The following PARG variants were observed in gnomAD, a reference collection of about 807,000 sequenced individuals.
PARG encodes the protein mitochondrial poly(ADP-ribose) glycohydrolase.
In PARG, 35 loss-of-function variants were observed where a neutral mutation model predicts 113.0. The observed-to-expected ratio is 0.31, with a 90% CI of 0.24 to 0.41. The LOEUF is 0.41. Among genes scored for constraint, PARG ranks in the 10% least tolerant of loss-of-function variants. The probability of loss-of-function intolerance (pLI) is 1.00; values close to 1 mark genes in which losing one functional copy is unlikely to be tolerated. For missense variants in PARG, 797 were observed against 1,169.4 expected (o/e 0.68, Z 4.64); for synonymous variants, 330 against 409.9 (o/e 0.81, Z 2.36).
chr10:49,881,436 A>C (rs1370972852), intron 8 of PARG, among the ~76,000 whole-genome samples: 55 of 152,356 alleles, frequency 3.6e-4, no homozygotes, highest in African/African-American at 1.3e-3. Context: ...ACCAACTACC[A>C]GTTTATCCTT....
chr10:49,825,151 C>T (rs571113221), intron 16 of PARG, among the ~76,000 whole-genome samples: 6 of 152,194 alleles, frequency 3.9e-5, no homozygotes, highest in South Asian at 2.1e-4. Context: ...CTTGTTTCTA[C>T]CACACAGCAC....
At chr10:49,860,239 C>T (rs1385498452) in intron 12 of PARG, among the ~76,000 whole-genome samples, 1 of 152,050 alleles carries the variant, frequency 6.6e-6, no homozygotes, top group Non-Finnish European at 1.5e-5. Context: ...TGGGGAGGAT[C>T]TCAACCTTAA....
At chr10:49,894,204 ATTTTTT>A (rs58141680) in intron 7 of PARG, among the ~76,000 whole-genome samples, 674 of 133,584 alleles carry the variant, frequency 5.0e-3, no homozygotes, top group East Asian at 0.02. Flanking sequence ...CAGCTAATTA[ATTTTTT>A]TTTTTTTTTT....
At chr10:49,919,879 T>C (rs1837701306) in intron 6 of PARG, among the ~76,000 whole-genome samples, 1 of 152,214 alleles carries the variant, frequency 6.6e-6, no homozygotes, top group Non-Finnish European at 1.5e-5. Context: ...CCCATCTTTG[T>C]ATCCACCAAC....
intron 13 of PARG, among the ~76,000 whole-genome samples, chr10:49,845,453 G>C (rs1845460831): frequency 6.6e-6 from 1 of 152,184 alleles, no homozygotes; most frequent in African/African-American, 2.4e-5. Context: ...TGACTAGTCA[G>C]GTCCAAAGGG....
At position 49,824,215 on chromosome 10, in the gene PARG, C is replaced by T. The variant is rs180893495; in HGVS notation, c.2648-3922G>A. Among the ~76,000 whole-genome samples, 59 of 152,254 alleles carry T rather than the reference C, an allele frequency of 3.9e-4. No individual in the cohort carries two copies. The East Asian group carries it at 5.6e-3, about 14-fold the overall frequency. ...AATTTCCAGAAAGATAATCTCGATC[C>T]TAGATACATCAGTAAACACTGACAA... On this transcript the variant is annotated intron_variant, in intron 16 of 17. Transcript: ENST00000616448.
chr10:49,920,585 CACATATATACATATATACGT>C (rs1564658840), intron 6 of PARG, among the ~76,000 whole-genome samples: 2 of 136,144 alleles, frequency 1.5e-5, no homozygotes, highest in Non-Finnish European at 3.1e-5. Flanking sequence ...TATATATATA[CACATATATACATATATACGT>C]ACATATATAC....
chr10:49,890,575 C>A (rs1408477105), intron 7 of PARG, among the ~76,000 whole-genome samples: 1 of 152,122 alleles, frequency 6.6e-6, no homozygotes, highest in Admixed American at 6.5e-5. Context: ...CCTGTGACCC[C>A]CAACACATCA....
intron 10 of PARG, among the ~76,000 whole-genome samples, chr10:49,866,790 T>G (rs1554836982): frequency 6.6e-6 from 1 of 152,186 alleles, no homozygotes; most frequent in East Asian, 1.9e-4. Flanking sequence ...AATCAAATAC[T>G]TCCCATCATA....
chr10:49,825,957 G>GT lies in PARG; in HGVS notation c.2648-5665dup, dbSNP rs199877454. Among the ~76,000 whole-genome samples the GT allele has an allele frequency of 3.8e-3, 578 of 152,166 alleles. 2 individuals carry two copies. Among genetic ancestry groups the GT allele is most frequent in the African/African-American group, 0.013 (529 of 41,516 alleles). On this transcript the variant is annotated intron_variant, in intron 16 of 17. Transcript: ENST00000616448. ...GACCAGATTGGTTTTGGATTTCATT[G>GT]TTTTTTTGGTAATATTTGCAATATC...
intron 6 of PARG, among the ~76,000 whole-genome samples, chr10:49,920,583 T>C (rs575956204): frequency 5.6e-5 from 8 of 144,132 alleles, no homozygotes; most frequent in African/African-American, 1.8e-4. Flanking sequence ...TGTATATATA[T>C]ACACATATAT....
chr10:49,862,370 G>C (rs1222565336), intron 11 of PARG, among the ~76,000 whole-genome samples: 1 of 151,024 alleles, frequency 6.6e-6, no homozygotes, highest in Non-Finnish European at 1.5e-5. Flanking sequence ...GAATGAAACA[G>C]AGGAGATCCA....
intron 16 of PARG, among the ~76,000 whole-genome samples, chr10:49,820,798 C>A (rs1490033780): frequency 6.6e-6 from 1 of 151,818 alleles, no homozygotes; most frequent in Admixed American, 6.6e-5. Flanking sequence ...AGACATGCTG[C>A]CAAGAATATC....
intron 16 of PARG, among the ~76,000 whole-genome samples, chr10:49,821,254 C>A (rs1031438740): frequency 6.6e-6 from 1 of 152,162 alleles, no homozygotes; most frequent in Admixed American, 6.5e-5. Context: ...AGTTACCTTA[C>A]AATCTCAATA....
At chr10:49,823,429 GTA>G (rs1210049349) in intron 16 of PARG, among the ~76,000 whole-genome samples, 3 of 152,198 alleles carry the variant, frequency 2.0e-5, no homozygotes, top group African/African-American at 2.4e-5. Context: ...TACCATCAAA[GTA>G]TGTCCTAATT....
intron 7 of PARG, among the ~76,000 whole-genome samples, chr10:49,894,663 T>C (rs1204704051): frequency 2.0e-5 from 3 of 152,226 alleles, no homozygotes; most frequent in African/African-American, 4.8e-5. Flanking sequence ...TTTGGCACTT[T>C]TGTTGAAAAC....
At chr10:49,920,647 T>TATAC (rs1837818637) in intron 6 of PARG, among the ~76,000 whole-genome samples, 1 of 147,468 alleles carries the variant, frequency 6.8e-6, no homozygotes, top group African/African-American at 2.5e-5. Flanking sequence ...TATACACATA[T>TATAC]ACGTATATAT....
chr10:49,935,719 T>C (rs1259732523), intron 1 of PARG, among the ~76,000 whole-genome samples: 16 of 152,278 alleles, frequency 1.1e-4, no homozygotes, highest in African/African-American at 3.4e-4. Context: ...GCTTGACTTA[T>C]GCCTTGAAAA....
intron 4 of PARG, among the ~76,000 whole-genome samples, chr10:49,931,232 T>C (rs1838462474): frequency 6.6e-6 from 1 of 152,256 alleles, no homozygotes; most frequent in African/African-American, 2.4e-5. Context: ...GTTACAATGT[T>C]GTTATAATGT....
Sources: gnomAD v4.1 joint callset for allele counts (sites outside exome capture counted in the v4.1 genomes callset) on GRCh38, gnomAD v4.1.1 for gene constraint, MANE v1.5 for transcripts, NCBI Gene and HGNC (gene_info 2026-07-23, HGNC 2026-07-21) for gene names.